Variants in SLC39A14 observed in about 807,000 individuals in gnomAD.
SLC39A14 encodes the protein solute carrier family 39 member 14, also known as metal cation symporter ZIP14.
Under a neutral mutation model 45.5 loss-of-function variants are expected in SLC39A14, and 19 were observed. The ratio of observed to expected loss-of-function variants is 0.42; its 90% CI spans 0.29 to 0.61. SLC39A14 has a LOEUF of 0.61. SLC39A14 is among the 20% of genes least tolerant of loss of function. The pLI is 0.22. For synonymous variants in SLC39A14, 264 were observed against 251.3 expected (o/e 1.05, Z -0.48); for missense variants, 447 against 616.5 (o/e 0.73, Z 2.91).
chr8:22,399,082 A>C (rs1586700202), intron 1 of SLC39A14, among the ~76,000 whole-genome samples: 1 of 151,998 alleles, frequency 6.6e-6, no homozygotes, highest in Non-Finnish European at 1.5e-5. Context: ...TCTCCTTCCC[A>C]CTTGTCTTTC....
At chr8:22,425,095 C>T (rs1836362137), downstream of SLC39A14, among the ~76,000 whole-genome samples, 1 of 150,688 alleles carries the variant, frequency 6.6e-6, no homozygotes. Flanking sequence ...TGGAGATGCT[C>T]ACTTTCCATG....
At chr8:22,380,837 A>G (rs1349870240) in intron 1 of SLC39A14, among the ~76,000 whole-genome samples, 1 of 148,414 alleles carries the variant, frequency 6.7e-6, no homozygotes, top group African/African-American at 2.5e-5. Context: ...CCACCATGCC[A>G]AGCTAATTAT....
At chr8:22,428,822 T>C (rs1236065028) in intron 8 of SLC39A14, among the ~76,000 whole-genome samples, 2 of 152,184 alleles carry the variant, frequency 1.3e-5, no homozygotes, top group African/African-American at 4.8e-5. Context: ...GATGATTTTG[T>C]TTTTTCACTG....
chr8:22,389,146 G>T (rs1445897138), intron 1 of SLC39A14, among the ~76,000 whole-genome samples: 1 of 152,160 alleles, frequency 6.6e-6, no homozygotes, highest in Non-Finnish European at 1.5e-5. Flanking sequence ...GTAGCCCTCC[G>T]ACTTCAGTGT....
chr8:22,395,583 G>A (rs1407371770), intron 1 of SLC39A14, among the ~76,000 whole-genome samples: 1 of 152,154 alleles, frequency 6.6e-6, no homozygotes, highest in East Asian at 1.9e-4. Flanking sequence ...GCAGAATTTT[G>A]TTCTGTATTT....
chr8:22,409,426 A>G (rs967282716), intron 3 of SLC39A14, among the ~76,000 whole-genome samples: 1 of 151,218 alleles, frequency 6.6e-6, no homozygotes, highest in East Asian at 2.0e-4. Flanking sequence ...CTTGTTGCCC[A>G]GGCTGAAGTG....
chr8:22,398,677 C>G, intron 1 of SLC39A14: 2 of 980,846 alleles, frequency 2.0e-6, no homozygotes, highest in Non-Finnish European at 2.4e-6. Flanking sequence ...GTTTGCTCCT[C>G]TCTGAGAGGG....
intron 1 of SLC39A14, among the ~76,000 whole-genome samples, chr8:22,386,898 C>G (rs546831355): frequency 6.6e-5 from 10 of 152,222 alleles, no homozygotes; most frequent in Admixed American, 2.0e-4. Context: ...GTCGGCCAAT[C>G]GTGGTGGCTC....
intron 1 of SLC39A14, among the ~76,000 whole-genome samples, chr8:22,403,102 G>A (rs58480050): frequency 2.0e-5 from 3 of 151,886 alleles, no homozygotes; most frequent in South Asian, 4.2e-4. Context: ...TTAGCCTCCC[G>A]AGTAGCTGGG....
chr8:22,387,781 G>A (rs1380648513), intron 1 of SLC39A14, among the ~76,000 whole-genome samples: 1 of 152,198 alleles, frequency 6.6e-6, no homozygotes, highest in Non-Finnish European at 1.5e-5. Context: ...TGCTTCCTTT[G>A]TGTCTCTGGC....
chr8:22,370,858 G>A (rs1396078508), intron 1 of SLC39A14, among the ~76,000 whole-genome samples: 3 of 152,138 alleles, frequency 2.0e-5, no homozygotes, highest in Admixed American at 6.5e-5. Flanking sequence ...TCTGCAGTGG[G>A]GCTTCTCTGA....
In SLC39A14 at chr8:22,396,595, A is replaced by G. The variant is rs1440753996; in HGVS notation, c.-15-8101A>G. Among the ~76,000 whole-genome samples, 18 of 98,100 alleles carry G rather than the reference A, an allele frequency of 1.8e-4. 1 individual carries two copies. Among genetic ancestry groups the G allele is most frequent in the South Asian group, 4.3e-4 (1 of 2,326 alleles). 64.4% of individuals were successfully genotyped at this position (98,100 alleles called of 152,430 possible). On this transcript the variant is annotated intron_variant, in intron 1 of 8. Transcript: ENST00000381237. The stretch of plus-strand genomic sequence containing the variant: ...GAGAGAGAGAGAGAGAGAGAGAGAG[A>G]GAGAAGACTAAGTGGAATTTGGAAT...
At chr8:22,374,244 G>A (rs1022278276) in intron 1 of SLC39A14, among the ~76,000 whole-genome samples, 1 of 152,198 alleles carries the variant, frequency 6.6e-6, no homozygotes, top group Non-Finnish European at 1.5e-5. Context: ...GGGAGGGACT[G>A]GAGACCTGGG....
downstream of SLC39A14, among the ~76,000 whole-genome samples, chr8:22,426,285 T>G (rs1243315416): frequency 1.3e-5 from 2 of 152,104 alleles, no homozygotes; most frequent in Admixed American, 1.3e-4. Context: ...AGCCTCAATC[T>G]CCTGGGCTCA....
chr8:22,427,080 G>A (rs1181597275), downstream of SLC39A14, among the ~76,000 whole-genome samples: 1 of 151,828 alleles, frequency 6.6e-6, no homozygotes, highest in African/African-American at 2.4e-5. Context: ...ATCACCTGAG[G>A]TCGGGAGTTT....
chr8:22,408,323 G>A lies in SLC39A14; in HGVS notation c.284G>A (p.Gly95Glu), dbSNP rs1341478839. The A allele has an allele frequency of 1.9e-6, 3 of 1,613,944 alleles. No homozygotes were observed. Among genetic ancestry groups the A allele is most frequent in the Non-Finnish European group, 1.7e-6 (2 of 1,179,868 alleles). ...HRNLSTCFSS[G>E]DLFTAHNFSE... The stretch of plus-strand genomic sequence containing the variant: ...CCTGTGTTTCAGTGCTTTAGTTCTG[G>A]AGACCTCTTCACTGCCCACAATTTC... The change falls in exon 3 of 9, where the codon GGA (glycine) becomes GAA (glutamate). Residue 95 changes from glycine to glutamate, a missense_variant. By Grantham distance (98) the Gly-to-Glu change is moderately conservative. Coordinates refer to ENST00000381237, the MANE Select transcript of SLC39A14 (RefSeq NM_001128431.4).
At chr8:22,409,859 CT>C in intron 3 of SLC39A14, 1 of 1,426,434 alleles carries the variant, frequency 7.0e-7, no homozygotes, top group Non-Finnish European at 9.7e-7. Context: ...CCCATCACAC[CT>C]GAATTCAGAA....
intron 1 of SLC39A14, among the ~76,000 whole-genome samples, chr8:22,397,668 C>G (rs772749308): frequency 6.6e-6 from 1 of 152,100 alleles, no homozygotes; most frequent in Non-Finnish European, 1.5e-5. Context: ...CAGGGTTTTT[C>G]CCTACGCCTG....
intron 1 of SLC39A14, among the ~76,000 whole-genome samples, chr8:22,371,029 C>A (rs920525676): frequency 1.3e-4 from 20 of 152,198 alleles, no homozygotes; most frequent in Non-Finnish European, 2.6e-4. Context: ...CCCCTCCCCC[C>A]ACTACCGTGG....
Sources: gnomAD v4.1 joint callset for allele counts (sites outside exome capture counted in the v4.1 genomes callset) on GRCh38, gnomAD v4.1.1 for gene constraint, MANE v1.5 for transcripts, NCBI Gene and HGNC (gene_info 2026-07-23, HGNC 2026-07-21) for gene names.